The following VPS13B variants were observed in gnomAD, a reference collection of about 807,000 sequenced individuals.
The protein encoded by VPS13B is intermembrane lipid transfer protein VPS13B.
Under a neutral mutation model 426.4 loss-of-function variants are expected in VPS13B, and 285 were observed. The observed-to-expected ratio is 0.67, with a 90% CI of 0.61 to 0.74. VPS13B has a LOEUF of 0.74. Among genes scored for constraint, VPS13B ranks in the 30% least tolerant of loss-of-function variants. The pLI, the probability that VPS13B is intolerant of heterozygous loss-of-function variation, is 0.00. For synonymous variants in VPS13B, 1,676 were observed against 1,676.4 expected, an observed-to-expected ratio of 1.00 and a Z score of 0.01; for missense variants, 4,537 against 4,782.6, an observed-to-expected ratio of 0.95 and a Z score of 1.51.
chr8:99,447,993 G>T (rs1346126580), intron 23 of VPS13B, among the ~76,000 whole-genome samples: 2 of 151,340 alleles, frequency 1.3e-5, no homozygotes, highest in African/African-American at 4.9e-5. Context: ...TCTACTGCTT[G>T]TCTTTTTCAT....
rs1457806938 is a variant in VPS13B, at chr8:99,233,325, C to T, written c.2515+40268C>T. ...GCACTCTGATATGGGCTTCCAGCTT[C>T]ACTTCTTCTTTGGGGTTAAAGAAGT... On this transcript the variant is annotated intron_variant, in intron 17 of 61. Transcript: ENST00000357162. 6.4e-6 allele frequency: 7 copies of T among 1,085,334 alleles called. No homozygotes were observed. In the Admixed American group the frequency reaches 1.2e-4, roughly 18 times the overall value. The allele number at this position is 1,085,334 out of a possible 1,614,324, so 67.2% of individuals were successfully genotyped here.
At chr8:99,509,310 C>G (rs1232306643) in intron 28 of VPS13B, among the ~76,000 whole-genome samples, 1 of 151,886 alleles carries the variant, frequency 6.6e-6, no homozygotes, top group Non-Finnish European at 1.5e-5. Context: ...AAAAGAGAAA[C>G]AGTGAAAATG....
At chr8:99,053,191 C>T (rs1233737637) in intron 3 of VPS13B, among the ~76,000 whole-genome samples, 1 of 151,508 alleles carries the variant, frequency 6.6e-6, no homozygotes, top group Non-Finnish European at 1.5e-5. Context: ...GCACAACATG[C>T]AGGTTTGTTA....
intron 33 of VPS13B, among the ~76,000 whole-genome samples, chr8:99,606,523 AAAAAG>A (rs1827589305): frequency 1.3e-5 from 2 of 150,728 alleles, no homozygotes; most frequent in East Asian, 3.9e-4. Flanking sequence ...AAGAAAAAAG[AAAAAG>A]AAAAAGAAAA....
At chr8:99,747,987 C>T (rs573307927) in intron 39 of VPS13B, among the ~76,000 whole-genome samples, 3 of 151,984 alleles carry the variant, frequency 2.0e-5, no homozygotes, top group African/African-American at 7.2e-5. Context: ...GTGTTGTTGT[C>T]GTTTATCCAT....
chr8:99,818,550 A>G lies in VPS13B; in HGVS notation c.8445+16A>G, dbSNP rs1814177712. On this transcript the variant is annotated intron_variant, in intron 46 of 61. Coordinates refer to ENST00000357162, the MANE Select transcript of VPS13B (RefSeq NM_152564.5). Reference sequence around the variant, plus strand: ...ACAACGAATGGTGAGTGCTTTCCCAATCCTAAAATATGGTATATGACTCTG... The same window carrying G: ...ACAACGAATGGTGAGTGCTTTCCCAGTCCTAAAATATGGTATATGACTCTG... 1.9e-6 allele frequency: 3 copies of G among 1,613,004 alleles called. No individual in the cohort carries two copies. Among genetic ancestry groups the G allele is most frequent in the African/African-American group, 2.7e-5 (2 of 74,868 alleles).
At chr8:99,458,973 T>C (rs1818682396) in intron 23 of VPS13B, among the ~76,000 whole-genome samples, 1 of 152,182 alleles carries the variant, frequency 6.6e-6, no homozygotes. Context: ...CTTTTGGTGT[T>C]TTAGTCATGA....
At chr8:99,230,320 G>A (rs1039323447) in intron 17 of VPS13B, among the ~76,000 whole-genome samples, 1 of 152,172 alleles carries the variant, frequency 6.6e-6, no homozygotes, top group African/African-American at 2.4e-5. Context: ...CTCTGTTGTA[G>A]TACAGGACAC....
At chr8:99,851,078 A>C (rs1816269131) in intron 55 of VPS13B, among the ~76,000 whole-genome samples, 1 of 152,238 alleles carries the variant, frequency 6.6e-6, no homozygotes, top group Non-Finnish European at 1.5e-5. Flanking sequence ...TGTTCATAAA[A>C]AATTAATAGC....
chr8:99,827,756 G>A (rs1385875592), intron 51 of VPS13B, among the ~76,000 whole-genome samples: 1 of 152,146 alleles, frequency 6.6e-6, no homozygotes, highest in Non-Finnish European at 1.5e-5. Context: ...TGCTTTAGCT[G>A]TGTCTCAGAG....
chr8:99,441,580 A>T (rs1817677716), intron 22 of VPS13B, among the ~76,000 whole-genome samples: 2 of 152,122 alleles, frequency 1.3e-5, no homozygotes, highest in African/African-American at 4.8e-5. Flanking sequence ...TTACTTTATA[A>T]GCACCGCTAA....
At chr8:99,293,291 A>T in intron 19 of VPS13B, among the ~76,000 whole-genome samples, 1 of 122,648 alleles carries the variant, frequency 8.2e-6, no homozygotes, top group East Asian at 2.2e-4. Context: ...AGCAATGGGG[A>T]AAGGATTCCC....
At chr8:99,162,908 C>G (rs1563576381) in intron 15 of VPS13B, among the ~76,000 whole-genome samples, 1 of 152,080 alleles carries the variant, frequency 6.6e-6, no homozygotes. Context: ...AGCTGAGTGG[C>G]CTGTTTTGTC....
At chr8:99,657,275 C>T (rs1221967907) in intron 34 of VPS13B, among the ~76,000 whole-genome samples, 1 of 152,186 alleles carries the variant, frequency 6.6e-6, no homozygotes, top group Non-Finnish European at 1.5e-5. Flanking sequence ...TCTACATTAT[C>T]AGACTTTGCT....
chr8:99,490,489 T>G (rs1052969550), intron 25 of VPS13B, among the ~76,000 whole-genome samples: 8 of 152,180 alleles, frequency 5.3e-5, no homozygotes, highest in African/African-American at 1.9e-4. Flanking sequence ...CCAGGTCCTC[T>G]TTGTACCTCT....
At chr8:99,202,189 A>C (rs547756698) in intron 17 of VPS13B, among the ~76,000 whole-genome samples, 2 of 152,346 alleles carry the variant, frequency 1.3e-5, no homozygotes, top group African/African-American at 4.8e-5. Context: ...GGTAAATTCA[A>C]AGAGTAAGCC....
intron 17 of VPS13B, among the ~76,000 whole-genome samples, chr8:99,217,948 A>T (rs995753978): frequency 6.6e-6 from 1 of 152,248 alleles, no homozygotes; most frequent in Non-Finnish European, 1.5e-5. Flanking sequence ...TTTCTGACTC[A>T]TGAACATATC....
At chr8:99,435,390 A>G (rs991487202) in intron 22 of VPS13B, among the ~76,000 whole-genome samples, 3 of 152,122 alleles carry the variant, frequency 2.0e-5, no homozygotes, top group Admixed American at 6.5e-5. Context: ...TAGTTCTGTA[A>G]TAGGGAACAT....
intron 39 of VPS13B, among the ~76,000 whole-genome samples, chr8:99,745,265 A>G (rs1226969461): frequency 6.6e-6 from 1 of 151,986 alleles, no homozygotes; most frequent in African/African-American, 2.4e-5. Context: ...TATGTGTCCT[A>G]TTTTATTCTT....
Sources: gnomAD v4.1 joint callset for allele counts (sites outside exome capture counted in the v4.1 genomes callset) on GRCh38, gnomAD v4.1.1 for gene constraint, MANE v1.5 for transcripts, NCBI Gene and HGNC (gene_info 2026-07-23, HGNC 2026-07-21) for gene names.